The following LINGO2 variants were observed in gnomAD, a reference collection of about 807,000 sequenced individuals.
LINGO2 encodes the protein leucine rich repeat and Ig domain containing 2.
In LINGO2, 14 loss-of-function variants were observed where a neutral mutation model predicts 30.6. The observed-to-expected ratio is 0.46, with a 90% confidence interval of 0.30 to 0.72. The LOEUF is 0.72. Ranked by LOEUF, LINGO2 falls within the 30% of genes least tolerant of loss-of-function variation. The pLI is 0.07. For missense variants in LINGO2, 729 were observed against 751.7 expected, an observed-to-expected ratio of 0.97 and a Z score of 0.35; for synonymous variants, 317 against 288.5, an observed-to-expected ratio of 1.10 and a Z score of -1.00.
At chr9:28,150,788 T>C (rs925128632) in intron 4 of LINGO2, among the ~76,000 whole-genome samples, 9 of 152,128 alleles carry the variant, frequency 5.9e-5, no homozygotes, top group African/African-American at 1.9e-4. Flanking sequence ...AGGAGCCTCG[T>C]AAAGCGCCTG....
the LINGO2 span, among the ~76,000 whole-genome samples, chr9:28,978,508 G>A: frequency 0.65 from 98,908 of 151,916 alleles, 32,789 homozygotes; most frequent in Non-Finnish European, 0.72. Flanking sequence ...TTTATAAAAT[G>A]GGAATAATGC....
intron 4 of LINGO2, among the ~76,000 whole-genome samples, chr9:28,166,241 C>G (rs1167591439): frequency 6.6e-6 from 1 of 152,120 alleles, no homozygotes; most frequent in African/African-American, 2.4e-5. Context: ...ACACCTAATC[C>G]AAAACAACTA....
chr9:28,875,653 T>A, the LINGO2 span, among the ~76,000 whole-genome samples: 7 of 152,120 alleles, frequency 4.6e-5, no homozygotes, highest in Admixed American at 2.6e-4. Context: ...TCACAACTGA[T>A]ATTTTTGAAG....
intron 2 of LINGO2, among the ~76,000 whole-genome samples, chr9:28,445,023 A>G (rs1338386696): frequency 6.6e-6 from 1 of 152,154 alleles, no homozygotes; most frequent in Non-Finnish European, 1.5e-5. Flanking sequence ...TGACAAAGCC[A>G]CCCAAGAACA....
the LINGO2 span, among the ~76,000 whole-genome samples, chr9:29,161,671 T>C: frequency 6.6e-6 from 1 of 152,170 alleles, no homozygotes; most frequent in Non-Finnish European, 1.5e-5. Flanking sequence ...TACCAGATGA[T>C]GCCTATACTG....
the LINGO2 span, among the ~76,000 whole-genome samples, chr9:28,982,779 A>G: frequency 6.6e-6 from 1 of 152,082 alleles, no homozygotes; most frequent in Non-Finnish European, 1.5e-5. Flanking sequence ...AATAAGCATT[A>G]TAATATCTTG....
intron 1 of LINGO2, among the ~76,000 whole-genome samples, chr9:28,607,128 A>C (rs1483327530): frequency 2.0e-5 from 3 of 152,042 alleles, no homozygotes; most frequent in African/African-American, 7.2e-5. Flanking sequence ...CTCAAAGAGG[A>C]CTAAGTACAC....
At chr9:28,831,474 G>T in the LINGO2 span, among the ~76,000 whole-genome samples, 5 of 152,074 alleles carry the variant, frequency 3.3e-5, no homozygotes, top group Admixed American at 3.3e-4. Context: ...CCGAGTAATT[G>T]AGGAGTGAGT....
At chr9:28,815,641 C>CAGT in the LINGO2 span, among the ~76,000 whole-genome samples, 91 of 152,288 alleles carry the variant, frequency 6.0e-4, no homozygotes, top group African/African-American at 2.1e-3. Context: ...TAACAATTAC[C>CAGT]ACCAGCACTA....
chr9:28,784,023 C>T, the LINGO2 span, among the ~76,000 whole-genome samples: 9,342 of 152,234 alleles, frequency 0.061, 362 homozygotes, highest in Non-Finnish European at 0.087. Context: ...AAGTCCCCAC[C>T]GCTGAACACC....
At chr9:28,216,795 G>A (rs1202362995) in intron 4 of LINGO2, among the ~76,000 whole-genome samples, 1 of 151,808 alleles carries the variant, frequency 6.6e-6, no homozygotes, top group East Asian at 1.9e-4. Flanking sequence ...TTTATAGTTT[G>A]TCACTTTTAA....
chr9:28,881,984 T>C, the LINGO2 span, among the ~76,000 whole-genome samples: 5 of 152,356 alleles, frequency 3.3e-5, no homozygotes, highest in Non-Finnish European at 5.9e-5. Context: ...TTGTCAATTA[T>C]ATTTTGCATT....
At chr9:28,917,750 A>G in the LINGO2 span, among the ~76,000 whole-genome samples, 9 of 152,150 alleles carry the variant, frequency 5.9e-5, no homozygotes, top group Non-Finnish European at 1.2e-4. Context: ...AGAGTTGAGT[A>G]AAGCAAGAGA....
At chr9:29,184,370 G>T in the LINGO2 span, among the ~76,000 whole-genome samples, 2 of 151,584 alleles carry the variant, frequency 1.3e-5, no homozygotes, top group Non-Finnish European at 2.9e-5. Flanking sequence ...TCAACATCAT[G>T]CTATATGTTT....
the LINGO2 span, among the ~76,000 whole-genome samples, chr9:29,198,815 A>AT: frequency 6.6e-6 from 1 of 152,272 alleles, no homozygotes; most frequent in South Asian, 2.1e-4. Context: ...GGTGAATGGA[A>AT]TAATCCCAAC....
intron 5 of LINGO2, among the ~76,000 whole-genome samples, chr9:27,963,297 A>G (rs1819936824): frequency 6.6e-6 from 1 of 152,182 alleles, no homozygotes; most frequent in Non-Finnish European, 1.5e-5. Flanking sequence ...CAGGACAGAA[A>G]GCAAACCAAA....
intron 2 of LINGO2, among the ~76,000 whole-genome samples, chr9:28,386,669 T>C (rs1213629647): frequency 6.6e-6 from 1 of 152,194 alleles, no homozygotes; most frequent in Non-Finnish European, 1.5e-5. Flanking sequence ...TATATGAGAA[T>C]TTCTGTCACA....
chr9:28,763,584 A>G, the LINGO2 span, among the ~76,000 whole-genome samples: 1 of 151,978 alleles, frequency 6.6e-6, no homozygotes, highest in Non-Finnish European at 1.5e-5. Context: ...AAAAAAGAAA[A>G]ACAATTTTAA....
intron 1 of LINGO2, among the ~76,000 whole-genome samples, chr9:28,478,797 T>C (rs1825823281): frequency 6.6e-6 from 1 of 152,054 alleles, no homozygotes; most frequent in Admixed American, 6.5e-5. Context: ...TGTCCTTGCC[T>C]TGAAGATAAG....
Sources: gnomAD v4.1 joint callset for allele counts (sites outside exome capture counted in the v4.1 genomes callset) on GRCh38, gnomAD v4.1.1 for gene constraint, MANE v1.5 for transcripts, NCBI Gene and HGNC (gene_info 2026-07-23, HGNC 2026-07-21) for gene names.